The following TCEANC variants were observed in gnomAD, a reference collection of about 807,000 sequenced individuals.
The protein encoded by TCEANC is transcription elongation factor A N-terminal and central domain containing.
In TCEANC, 8 loss-of-function variants were observed where a neutral mutation model predicts 8.7. The observed-to-expected ratio is 0.92, with a 90% CI of 0.54 to 1.65. TCEANC has a LOEUF of 1.65. Ranked by LOEUF, TCEANC falls within the 40% of genes most tolerant of loss-of-function variation. The probability of loss-of-function intolerance (pLI) is 0.00; values close to 1 mark genes in which losing one functional copy is unlikely to be tolerated. For synonymous variants in TCEANC, 78 were observed against 92.9 expected, an observed-to-expected ratio of 0.84 and a Z score of 0.92; for missense variants, 255 against 251.9, an observed-to-expected ratio of 1.01 and a Z score of -0.08.
chrX:13,658,611 CCTT>C (rs1465665048), intron 1 of TCEANC, among the ~76,000 whole-genome samples: 1 of 111,921 alleles, frequency 8.9e-6, no homozygotes, highest in Non-Finnish European at 1.9e-5. Flanking sequence ...GAATCAATCA[CCTT>C]CTACCCACCT....
intron 1 of TCEANC, among the ~76,000 whole-genome samples, chrX:13,660,555 G>A (rs2045958909): frequency 8.9e-6 from 1 of 112,335 alleles, no homozygotes; most frequent in African/African-American, 3.2e-5. Flanking sequence ...CATACAATAT[G>A]TGGACTTTTC....
chrX:13,655,482 G>A (rs1211485421), intron 1 of TCEANC, 109 bp downstream of exon 2: 1 of 112,618 alleles, frequency 8.9e-6, no homozygotes, highest in Non-Finnish European at 1.9e-5. Flanking sequence ...GTACACAGTA[G>A]GTGTTTTAAA....
At chrX:13,664,004 C>T (rs776492911) in exon 2 of TCEANC, 29 of 127,331 alleles carry the variant, frequency 2.3e-4, no homozygotes, top group South Asian at 3.7e-4. Context: ...TTTGAAAACC[C>T]ACTGGTGCTG....
rs1389790004 is a variant in TCEANC at position 13,662,496 on chromosome X, TGCAGC to T, written c.-8-4_-8del. On this transcript the variant is annotated splice_acceptor_variant and splice_polypyrimidine_tract_variant and 5_prime_UTR_variant and intron_variant, in exon 2 of 2. Coordinates refer to ENST00000380600, the Ensembl canonical transcript of TCEANC. LOFTEE classifies it low-confidence loss of function (5UTR_SPLICE). The stretch of plus-strand genomic sequence containing the variant: ...AGAAAACTGAAACCTCTTTTTTCTT[TGCAGC>T]TGTAAAGATGTCTGACAAGAACCAG... 8.5e-7 allele frequency: 1 copy of T among 1,181,975 alleles called. No homozygotes were observed. The highest frequency in any genetic ancestry group is 2.6e-5 in the Admixed American group (1 of 39,127).
intron 1 of TCEANC, among the ~76,000 whole-genome samples, chrX:13,657,770 TG>T (rs1195813072): frequency 1.1e-5 from 1 of 93,167 alleles, no homozygotes; most frequent in African/African-American, 4.2e-5. Context: ...ATTGCACCAC[TG>T]CACTCCAGCA....
chrX:13,661,143 C>T (rs2045964224), intron 1 of TCEANC, among the ~76,000 whole-genome samples, 21 bp downstream of exon 4: 1 of 109,391 alleles, frequency 9.1e-6, no homozygotes, highest in Non-Finnish European at 2.0e-5. Flanking sequence ...ATGCCCGGCC[C>T]ATATGTTAAC....
chrX:13,658,397 G>C (rs1358258363), intron 1 of TCEANC, among the ~76,000 whole-genome samples: 1 of 112,059 alleles, frequency 8.9e-6, no homozygotes, highest in Non-Finnish European at 1.9e-5. Flanking sequence ...CATATGGAAA[G>C]ACTGAAGAGA....
In TCEANC at chrX:13,663,307, A is replaced by C. The variant is rs1441294357; in HGVS notation, c.799A>C (p.Lys267Gln). ...CATGGAGATGGCAAATAAGGAACTGAAGCAGTTGAGAGCCTCCTACACGGA... is the reference window on the plus strand; with the variant it reads ...CATGGAGATGGCAAATAAGGAACTGCAGCAGTTGAGAGCCTCCTACACGGA... Residue 267 changes from lysine to glutamine, a missense_variant, in exon 2 of 2, where the codon AAG becomes CAG. Physicochemically the swap from Lys to Gln is moderately conservative, Grantham distance 53. Transcript: ENST00000380600. The C allele has an allele frequency of 3.3e-6, 4 of 1,198,747 alleles. No individual in the cohort carries two copies. The South Asian group carries it at 7.3e-5, about 22-fold the overall frequency.
In TCEANC at chrX:13,657,110, C is replaced by T. The variant is rs1187387041; in HGVS notation, c.-9+1737C>T. Among the ~76,000 whole-genome samples the T allele has an allele frequency of 4.4e-5, 5 of 112,426 alleles. No individual in the cohort carries two copies. The East Asian group carries it at 1.1e-3, about 25-fold the overall frequency. ...TATTAAATAATCACCACCGAACATA[C>T]ACAGGCTAAGAACACTGAAGTGTTT... On this transcript the variant is annotated intron_variant, in intron 1 of 1. Coordinates refer to ENST00000380600, the Ensembl canonical transcript of TCEANC.
chrX:13,656,541 G>T (rs1323095960), intron 1 of TCEANC, among the ~76,000 whole-genome samples: 2 of 111,764 alleles, frequency 1.8e-5, no homozygotes, highest in African/African-American at 6.5e-5. Flanking sequence ...CAATACAGTG[G>T]GTCCTCAAAA....
exon 2 of TCEANC, chrX:13,663,289 A>G (rs951447265): frequency 8.3e-7 from 1 of 1,200,563 alleles, no homozygotes; most frequent in African/African-American, 1.7e-5. Context: ...TGTCATGGAG[A>G]TGGCAAATAA....
chrX:13,664,654 T>C (rs1162137205), exon 2 of TCEANC: 3 of 123,030 alleles, frequency 2.4e-5, no homozygotes, highest in African/African-American at 9.8e-5. Context: ...GTCCTTGAGA[T>C]GGACATTAAT....
intron 1 of TCEANC, among the ~76,000 whole-genome samples, chrX:13,656,223 G>T (rs760804000): frequency 8.9e-6 from 1 of 112,289 alleles, no homozygotes; most frequent in Non-Finnish European, 1.9e-5. Flanking sequence ...TAACTGGCCA[G>T]TTTCTTGTCA....
exon 2 of TCEANC, chrX:13,663,220 C>G: frequency 8.3e-7 from 1 of 1,205,553 alleles, no homozygotes; most frequent in African/African-American, 1.7e-5. Flanking sequence ...CAGAAATTCT[C>G]ATTTACAACA....
At chrX:13,656,294 A>G (rs892350927) in intron 1 of TCEANC, among the ~76,000 whole-genome samples, 4 of 112,604 alleles carry the variant, frequency 3.6e-5, no homozygotes, top group Non-Finnish European at 5.6e-5. Context: ...TAGGCTCAGC[A>G]TCTAGCACAT....
At position 13,662,404 on chromosome X, in the gene TCEANC, T is replaced by G. The variant is rs147845235; in HGVS notation, c.-8-97T>G. On this transcript the variant is annotated intron_variant, in intron 1 of 1. Coordinates refer to ENST00000380600, the Ensembl canonical transcript of TCEANC. Reference sequence around the variant, plus strand: ...ATTACATGACTCTTTCGGAAAACATTGCCTAGGTAACTGACAGAAAGTGCT... The same window carrying G: ...ATTACATGACTCTTTCGGAAAACATGGCCTAGGTAACTGACAGAAAGTGCT... 613 of 766,246 alleles carry G rather than the reference T, an allele frequency of 8.0e-4. 6 individuals carry two copies. In the East Asian group the frequency reaches 0.017, roughly 21 times the overall value. The allele number at this position is 766,246 out of a possible 1,213,427, so 63.1% of individuals were successfully genotyped here.
At chrX:13,655,530 G>T (rs778839156) in intron 1 of TCEANC, among the ~76,000 whole-genome samples, 157 bp downstream of exon 2, 1 of 112,546 alleles carries the variant, frequency 8.9e-6, no homozygotes, top group Non-Finnish European at 1.9e-5. Flanking sequence ...AGAAAAGCCA[G>T]TCATAGAGTT....
upstream of TCEANC, chrX:13,653,328 C>T (rs1400837314): frequency 2.7e-5 from 3 of 112,101 alleles, no homozygotes; most frequent in Non-Finnish European, 5.6e-5. Flanking sequence ...CGCACCCCCG[C>T]CCCTTCCTCT....
upstream of TCEANC, among the ~76,000 whole-genome samples, chrX:13,654,417 A>G (rs1476857841): frequency 7.1e-5 from 8 of 112,731 alleles, no homozygotes; most frequent in East Asian, 2.7e-4. Flanking sequence ...TGCTGCTACA[A>G]TAGCAGCAGA....
Sources: gnomAD v4.1 joint callset for allele counts (sites outside exome capture counted in the v4.1 genomes callset) on GRCh38, gnomAD v4.1.1 for gene constraint, MANE v1.5 for transcripts, NCBI Gene and HGNC (gene_info 2026-07-23, HGNC 2026-07-21) for gene names.